The following GON4L variants were observed in gnomAD, a reference collection of about 807,000 sequenced individuals.
GON4L encodes the protein gon-4 like, also known as GON-4-like protein.
Under a neutral mutation model 211.8 loss-of-function variants are expected in GON4L, and 87 were observed. The observed-to-expected ratio is 0.41, with a 90% CI of 0.35 to 0.49. The LOEUF (loss-of-function observed/expected upper bound fraction) is 0.49, where lower values mean the gene tolerates loss of function less well. GON4L is among the 20% of genes least tolerant of loss of function. The pLI is 0.15. For missense variants in GON4L, 2,155 were observed against 2,659.5 expected (o/e 0.81, Z 4.17); for synonymous variants, 875 against 962.6 (o/e 0.91, Z 1.68).
At chr1:155,838,004 C>T (rs1670464562) in intron 2 of GON4L, among the ~76,000 whole-genome samples, 1 of 152,110 alleles carries the variant, frequency 6.6e-6, no homozygotes, top group African/African-American at 2.4e-5. Context: ...TCGCTCACAC[C>T]TCCCAACCTT....
At chr1:155,776,550 T>C (rs199572912) in intron 15 of GON4L, 69 bp from the exon 16 acceptor site, 2 of 7,084 alleles carry the variant, frequency 2.8e-4, no homozygotes, top group African/African-American at 3.5e-4. Context: ...CAGAGAGATC[T>C]TTTTTTTTTT....
chr1:155,753,565 T>C (rs1430047871), intron 28 of GON4L, among the ~76,000 whole-genome samples, 151 bp from the exon 29 acceptor site: 1 of 152,152 alleles, frequency 6.6e-6, no homozygotes, highest in East Asian at 1.9e-4. Flanking sequence ...TTCAACTGGG[T>C]GCAGTGGTAC....
chr1:155,766,472 G>A lies in GON4L; in HGVS notation c.3001C>T (p.Leu1001=), dbSNP rs1364100694. The A allele has an allele frequency of 1.2e-6, 2 of 1,613,988 alleles. No homozygotes were observed. The highest frequency in any genetic ancestry group is 1.7e-6 in the Non-Finnish European group (2 of 1,180,016). Reference sequence around the variant, plus strand: ...CTGGGTTGGATAAGGAGGGGCTTCAGGACTGATGAACGCTTCTGTCTCCAA... The same window carrying A: ...CTGGGTTGGATAAGGAGGGGCTTCAAGACTGATGAACGCTTCTGTCTCCAA... ...KAWRQKRSSV[L]KPLLIQPSPS... Residue 1001 remains leucine, a synonymous_variant, in exon 21 of 32, where the codon CTG becomes TTG. Coordinates refer to ENST00000368331, the MANE Select transcript of GON4L (RefSeq NM_001282860.2).
At chr1:155,790,928 G>A (rs891708363) in intron 12 of GON4L, among the ~76,000 whole-genome samples, 2 of 151,190 alleles carry the variant, frequency 1.3e-5, no homozygotes, top group Non-Finnish European at 1.5e-5. Flanking sequence ...TGGAGACAGA[G>A]CGAGACTCCT....
chr1:155,752,707 T>C, intron 29 of GON4L, 117 bp from the exon 30 acceptor site: 1 of 1,490,466 alleles, frequency 6.7e-7, no homozygotes, highest in Non-Finnish European at 9.1e-7. Context: ...GGGCTGGGCA[T>C]GGTGGCTCAC....
intron 2 of GON4L, among the ~76,000 whole-genome samples, chr1:155,834,245 C>T (rs541813433): frequency 6.6e-6 from 1 of 152,178 alleles, no homozygotes; most frequent in South Asian, 2.1e-4. Flanking sequence ...CTTATCCCTC[C>T]TTTGCTACTA....
chr1:155,829,209 T>A (rs1557908892), intron 2 of GON4L, among the ~76,000 whole-genome samples: 1 of 152,162 alleles, frequency 6.6e-6, no homozygotes, highest in Non-Finnish European at 1.5e-5. Flanking sequence ...TTGACTTACA[T>A]ACCCTAATTT....
intron 2 of GON4L, among the ~76,000 whole-genome samples, chr1:155,830,250 T>C (rs1450522830): frequency 6.8e-6 from 1 of 146,962 alleles, no homozygotes; most frequent in Non-Finnish European, 1.5e-5. Flanking sequence ...CACCCAGCCC[T>C]GCAGGGACAG....
At chr1:155,836,011 AG>A (rs1487440277) in intron 2 of GON4L, among the ~76,000 whole-genome samples, 12 of 152,196 alleles carry the variant, frequency 7.9e-5, no homozygotes, top group Non-Finnish European at 1.5e-4. Context: ...TGGGAGGCCA[AG>A]GCAGGTGGAT....
rs768840291 is a variant in GON4L, at chr1:155,784,056, C to T, written c.1822G>A (p.Asp608Asn). The part of the protein sequence containing the change: ...QDEMGFSNME[D>N]DGPEEEECVA... Reference sequence around the variant, plus strand: ...CACTCCTCCTCTTCTGGGCCATCATCTTCCATGTTGGAGAATCCCATCTCA... The same window carrying T: ...CACTCCTCCTCTTCTGGGCCATCATTTTCCATGTTGGAGAATCCCATCTCA... The change falls in exon 14 of 32, where the codon GAT becomes AAT. Residue 608 changes from aspartate (D) to asparagine (N), a missense_variant. Coordinates refer to ENST00000368331, the MANE Select transcript of GON4L (RefSeq NM_001282860.2). The T allele has an allele frequency of 8.1e-6, 13 of 1,614,110 alleles. No individual in the cohort carries two copies. The highest frequency in any genetic ancestry group is 1.1e-5 in the Non-Finnish European group (13 of 1,179,978).
In GON4L at chr1:155,811,754, CAAAAAAAAAAAAAA is replaced by C. The variant is rs145360103; in HGVS notation, c.1452+1866_1452+1879del. Among the ~76,000 whole-genome samples, 3 of 33,048 alleles carry C rather than the reference CAAAAAAAAAAAAAA, an allele frequency of 9.1e-5. No individual in the cohort carries two copies. The Admixed American group carries it at 1.9e-3, about 20-fold the overall frequency. 21.7% of individuals were successfully genotyped at this position (33,048 alleles called of 152,430 possible). A position where few individuals can be genotyped will look rare whatever the true frequency, so the allele number is the denominator to read the frequency against. ...CTGGGAGACAGGCAAGACTCTGTCT[CAAAAAAAAAAAAAA>C]AAAAAAAAAAAGAAGGCTGGGCGCG... On this transcript the variant is annotated intron_variant, in intron 10 of 31. Coordinates refer to ENST00000368331, the MANE Select transcript of GON4L (RefSeq NM_001282860.2).
chr1:155,793,847 C>T (rs1453310951), intron 12 of GON4L, among the ~76,000 whole-genome samples: 1 of 152,154 alleles, frequency 6.6e-6, no homozygotes, highest in Non-Finnish European at 1.5e-5. Context: ...TAAGCTCAAG[C>T]AATCTTCCTG....
Position 155,760,610 on chromosome 1 carries a change from T to C in GON4L, c.4943A>G (p.Lys1648Arg), listed in dbSNP as rs747174741. ...VREALQHIPG[K>R]YEDFLQVIYE... Reference sequence around the variant, plus strand: ...GATGACTTGAAGGAAGTCTTCATACTTGCCAGGGATATGTTGTAGGGCTTC... The same window carrying C: ...GATGACTTGAAGGAAGTCTTCATACCTGCCAGGGATATGTTGTAGGGCTTC... The change falls in exon 24 of 32, where the codon AAG becomes AGG. Residue 1648 changes from lysine to arginine, a missense_variant. Transcript: ENST00000368331. 3 of 1,613,394 alleles carry C rather than the reference T, an allele frequency of 1.9e-6. No individual in the cohort carries two copies. In the South Asian group the frequency reaches 3.3e-5, roughly 18 times the overall value.
intron 1 of GON4L, among the ~76,000 whole-genome samples, chr1:155,855,259 T>C (rs1672167619): frequency 6.6e-6 from 1 of 152,206 alleles, no homozygotes; most frequent in South Asian, 2.1e-4. Flanking sequence ...AGTTTTGTAA[T>C]GGTCTCTCAT....
intron 10 of GON4L, 147 bp from the exon 11 acceptor site, chr1:155,805,288 C>A (rs373932095): frequency 1.2e-5 from 8 of 650,930 alleles, no homozygotes; most frequent in South Asian, 5.3e-5. Flanking sequence ...TTAAGAAACA[C>A]GACATAAAAA....
chr1:155,826,100 C>T (rs1669186266), intron 3 of GON4L, among the ~76,000 whole-genome samples: 1 of 151,864 alleles, frequency 6.6e-6, no homozygotes. Flanking sequence ...ATAGTCCCAG[C>T]TACTTAGGGC....
chr1:155,799,224 T>C (rs1000248383), intron 11 of GON4L, among the ~76,000 whole-genome samples: 16 of 152,070 alleles, frequency 1.1e-4, no homozygotes, highest in African/African-American at 3.9e-4. Flanking sequence ...CACCTGAGGT[T>C]AGGAGTTCAA....
At chr1:155,811,913 G>A (rs763298098) in intron 10 of GON4L, among the ~76,000 whole-genome samples, 53 of 151,678 alleles carry the variant, frequency 3.5e-4, no homozygotes, top group Non-Finnish European at 6.0e-4. Flanking sequence ...TTAGCCAGGC[G>A]TGGTGGTGGG....
rs1249697662 is a variant in GON4L at position 155,853,299 on chromosome 1, C to T, written c.482G>A (p.Ser161Asn). 1.2e-6 allele frequency: 2 copies of T among 1,613,894 alleles called. No individual in the cohort carries two copies. Among genetic ancestry groups the T allele is most frequent in the Non-Finnish European group, 1.7e-6 (2 of 1,179,872 alleles). ...ACCTCCTTCTTCCTTGACTTCTTCA[C>T]TAGGCTCTCCTGAAAAAGGCTCCTT... is the stretch of plus-strand genomic sequence containing the variant. ...TLKEPFSGEP[S>N]EEVKEEGGKP... The change falls in exon 2 of 32, where the codon AGT (serine) becomes AAT (asparagine). Residue 161 changes from serine (S) to asparagine (N), a missense_variant. Transcript: ENST00000368331.
Sources: allele counts gnomAD v4.1 joint callset (sites outside exome capture counted in the v4.1 genomes callset), GRCh38; gene constraint gnomAD v4.1.1; transcripts MANE v1.5; gene names NCBI Gene and HGNC (gene_info 2026-07-23, HGNC 2026-07-21).